The following KCNB2 variants were observed in gnomAD, a reference collection of about 807,000 sequenced individuals.
The protein encoded by KCNB2 is potassium voltage-gated channel subfamily B member 2.
KCNB2 carries 15 observed loss-of-function variants against 61.5 expected under a neutral mutation model. The observed-to-expected ratio is 0.24, with a 90% confidence interval of 0.16 to 0.38. The LOEUF is 0.38. Ranked by LOEUF, KCNB2 falls within the 10% of genes least tolerant of loss-of-function variation. The pLI is 1.00. For missense variants in KCNB2, 828 were observed against 1,125.2 expected (o/e 0.74, Z 3.78); for synonymous variants, 457 against 446.0 (o/e 1.02, Z -0.31).
rs1230561366 is a variant in KCNB2, at chr8:72,621,234, G to A, written c.579+52921G>A. Among the ~76,000 whole-genome samples the A allele has an allele frequency of 3.3e-5, 5 of 152,112 alleles. No homozygotes were observed. The East Asian group carries it at 5.8e-4, about 18-fold the overall frequency. On this transcript the variant is annotated intron_variant, in intron 2 of 2. Coordinates refer to ENST00000523207, the MANE Select transcript of KCNB2 (RefSeq NM_004770.3). The stretch of plus-strand genomic sequence containing the variant: ...TTGTTCCAAGTGACTCAATCCCAAC[G>A]TGTCAGTAACGACCTCCCATACATA...
chr8:72,870,202 G>T (rs1170640662), intron 2 of KCNB2, among the ~76,000 whole-genome samples: 1 of 152,086 alleles, frequency 6.6e-6, no homozygotes, highest in African/African-American at 2.4e-5. Context: ...AGAGAAATGG[G>T]GGGTTGCTGT....
intron 2 of KCNB2, among the ~76,000 whole-genome samples, chr8:72,856,678 C>T (rs904438568): frequency 1.3e-5 from 2 of 152,134 alleles, no homozygotes; most frequent in African/African-American, 4.8e-5. Context: ...TTATGAATCC[C>T]TGTTCTTGGT....
chr8:72,805,082 G>C (rs1473324920), intron 2 of KCNB2, among the ~76,000 whole-genome samples: 2 of 152,122 alleles, frequency 1.3e-5, no homozygotes, highest in African/African-American at 2.4e-5. Context: ...CTCCTCACTG[G>C]AAAAATGGAG....
chr8:72,835,843 C>G (rs974590198), intron 2 of KCNB2, among the ~76,000 whole-genome samples: 1 of 152,182 alleles, frequency 6.6e-6, no homozygotes, highest in African/African-American at 2.4e-5. Context: ...TACTGATGCT[C>G]ATTACATTCA....
At chr8:72,695,339 C>T (rs1361219439) in intron 2 of KCNB2, among the ~76,000 whole-genome samples, 1 of 152,116 alleles carries the variant, frequency 6.6e-6, no homozygotes, top group Non-Finnish European at 1.5e-5. Flanking sequence ...CCCCTGTCAG[C>T]ATCAGAAATT....
At chr8:72,774,061 A>G (rs1248522801) in intron 2 of KCNB2, among the ~76,000 whole-genome samples, 1 of 152,174 alleles carries the variant, frequency 6.6e-6, no homozygotes, top group Non-Finnish European at 1.5e-5. Flanking sequence ...TTTTACATGC[A>G]TTTCTCATTA....
intron 2 of KCNB2, among the ~76,000 whole-genome samples, chr8:72,796,812 T>C (rs1809038565): frequency 6.6e-6 from 1 of 152,218 alleles, no homozygotes; most frequent in Admixed American, 6.5e-5. Context: ...CTTTGGTTTG[T>C]CACCAAAATG....
chr8:72,789,048 T>A (rs538746099), intron 2 of KCNB2, among the ~76,000 whole-genome samples: 1 of 152,230 alleles, frequency 6.6e-6, no homozygotes, highest in East Asian at 1.9e-4. Flanking sequence ...AACATGACCT[T>A]AAATGACTCA....
In KCNB2 at chr8:72,718,254, G is replaced by A. The variant is rs1056031466; in HGVS notation, c.579+149941G>A. Among the ~76,000 whole-genome samples the A allele has an allele frequency of 2.0e-3, 302 of 152,298 alleles. 2 individuals are homozygous for A. The highest frequency in any genetic ancestry group is 3.0e-3 in the Non-Finnish European group (204 of 68,028). On this transcript the variant is annotated intron_variant, in intron 2 of 2. Coordinates refer to ENST00000523207, the MANE Select transcript of KCNB2 (RefSeq NM_004770.3). ...GTTCAACTATTGTGGAAGTCGGTGT[G>A]GGGATTCCTCAGGGATCTAGAACTA...
intron 2 of KCNB2, among the ~76,000 whole-genome samples, chr8:72,679,158 A>G (rs993223309): frequency 6.6e-6 from 1 of 152,162 alleles, no homozygotes; most frequent in Non-Finnish European, 1.5e-5. Context: ...AAGGGGATTT[A>G]GATTGAATAT....
intron 2 of KCNB2, among the ~76,000 whole-genome samples, chr8:72,894,963 A>G (rs1400385574): frequency 6.6e-6 from 1 of 152,152 alleles, no homozygotes; most frequent in Non-Finnish European, 1.5e-5. Context: ...AGATCCCTTA[A>G]GTGCAGGGAC....
chr8:72,837,797 C>G (rs952171742), intron 2 of KCNB2, among the ~76,000 whole-genome samples: 1 of 150,186 alleles, frequency 6.7e-6, no homozygotes, highest in Non-Finnish European at 1.5e-5. Context: ...TTTTCAGGCA[C>G]TTTAAAGTAC....
intron 2 of KCNB2, among the ~76,000 whole-genome samples, chr8:72,746,814 A>T (rs1808079738): frequency 6.6e-6 from 1 of 152,146 alleles, no homozygotes; most frequent in African/African-American, 2.4e-5. Context: ...AATCACCCAA[A>T]TGTTTCCAAG....
At position 72,936,399 on chromosome 8, in the gene KCNB2, A is replaced by G. The variant is rs1324923226; in HGVS notation, c.1044A>G (p.Ile348Met). The change falls in exon 3 of 3, where the codon ATA becomes ATG. Residue 348 changes from isoleucine (I) to methionine (M), a missense_variant. This residue lies in a region of KCNB2 where 44 missense variants were observed against 167.6 expected (regional missense o/e 0.26). Coordinates refer to ENST00000523207, the MANE Select transcript of KCNB2 (RefSeq NM_004770.3). The surrounding 1 kb of genome is among the most constrained non-coding windows in gnomAD (Gnocchi z 5.6). Reference sequence around the variant, plus strand: ...TGTTTCTGGCCATGGGGATAATGATATTTTCCAGCCTGGTATTTTTTGCTG... The same window carrying G: ...TGTTTCTGGCCATGGGGATAATGATGTTTTCCAGCCTGGTATTTTTTGCTG... ...LILFLAMGIM[I>M]FSSLVFFAEK... 6.2e-7 allele frequency: 1 copy of G among 1,614,154 alleles called. No individual in the cohort carries two copies. Among genetic ancestry groups the G allele is most frequent in the East Asian group, 2.2e-5 (1 of 44,868 alleles).
chr8:72,721,022 A>G (rs1208183218), intron 2 of KCNB2, among the ~76,000 whole-genome samples: 1 of 152,250 alleles, frequency 6.6e-6, no homozygotes, highest in African/African-American at 2.4e-5. Context: ...TAAGAGAGAG[A>G]TGAAGTTTCA....
At chr8:72,737,329 T>A (rs970771921) in intron 2 of KCNB2, among the ~76,000 whole-genome samples, 5 of 152,226 alleles carry the variant, frequency 3.3e-5, no homozygotes, top group Non-Finnish European at 7.3e-5. Flanking sequence ...TATTAAGCAA[T>A]AAATGCTTCT....
chr8:72,566,037 A>T (rs936986353), intron 1 of KCNB2, among the ~76,000 whole-genome samples: 19 of 152,166 alleles, frequency 1.2e-4, no homozygotes, highest in African/African-American at 4.1e-4. Context: ...GTTTGAGCTG[A>T]GTCTTGAAAA....
rs189433298 is a variant in KCNB2 at position 72,726,108 on chromosome 8, G to A, written c.579+157795G>A. Among the ~76,000 whole-genome samples, 11 of 152,300 alleles carry A rather than the reference G, an allele frequency of 7.2e-5. No homozygotes were observed. The East Asian group carries it at 1.9e-3, about 27-fold the overall frequency. ...CCAATGTGTTGGTAGTTGGAGATGG[G>A]ACTTTTAAGAGGTAATTAGGTTAAG... On this transcript the variant is annotated intron_variant, in intron 2 of 2. Coordinates refer to ENST00000523207, the MANE Select transcript of KCNB2 (RefSeq NM_004770.3).
At chr8:72,675,790 G>A (rs2128988553) in intron 2 of KCNB2, among the ~76,000 whole-genome samples, 1 of 152,228 alleles carries the variant, frequency 6.6e-6, no homozygotes, top group Non-Finnish European at 1.5e-5. Flanking sequence ...CTGACCTCGT[G>A]ATCCTCCCGC....
Sources: allele counts gnomAD v4.1 joint callset (sites outside exome capture counted in the v4.1 genomes callset), GRCh38; gene constraint gnomAD v4.1.1; regional missense constraint gnomAD v4.1.1; non-coding constraint Gnocchi (gnomAD v3.1); transcripts MANE v1.5; gene names NCBI Gene and HGNC (gene_info 2026-07-23, HGNC 2026-07-21).